AHCYL1: variants seen among roughly 807,000 people sequenced by gnomAD.
AHCYL1 encodes adenosylhomocysteinase like 1.
In AHCYL1, 20 loss-of-function variants were observed where a neutral mutation model predicts 79.3. That is an observed-to-expected ratio of 0.25 (90% confidence interval 0.18 to 0.37). The LOEUF is 0.37. Ranked by LOEUF, AHCYL1 falls within the 10% of genes least tolerant of loss-of-function variation. AHCYL1 has a pLI of 1.00. For synonymous variants in AHCYL1, 223 were observed against 242.2 expected (o/e 0.92, Z 0.74); for missense variants, 330 against 673.6 (o/e 0.49, Z 5.65).
At chr1:110,008,554 G>T (rs1218061494) in intron 1 of AHCYL1, among the ~76,000 whole-genome samples, 1 of 150,534 alleles carries the variant, frequency 6.6e-6, no homozygotes, top group Non-Finnish European at 1.5e-5. Flanking sequence ...CCATTTCTAG[G>T]CATCTCTTCA....
intron 3 of AHCYL1, among the ~76,000 whole-genome samples, chr1:110,012,000 G>C (rs1313930363): frequency 6.6e-6 from 1 of 152,240 alleles, no homozygotes; most frequent in African/African-American, 2.4e-5. Context: ...TGAGGGTACA[G>C]TCTTTCTGGT....
intron 8 of AHCYL1, 29 bp downstream of exon 8, chr1:110,016,489 T>G (rs1469511494): frequency 1.9e-6 from 3 of 1,588,054 alleles, no homozygotes. Context: ...TATTCAAACT[T>G]CTAGGGGCTC....
intron 16 of AHCYL1, 94 bp from the exon 17 acceptor site, chr1:110,021,580 A>C (rs1306724011): frequency 7.2e-6 from 9 of 1,242,512 alleles, no homozygotes; most frequent in Non-Finnish European, 9.4e-6. Context: ...CAGGCTGGGG[A>C]GGGGCCCTGG....
chr1:110,016,625 GAGCTATTAAC>G, intron 8 of AHCYL1, 32 bp from the exon 9 acceptor site: 1 of 1,612,588 alleles, frequency 6.2e-7, no homozygotes, highest in South Asian at 1.1e-5. Context: ...GACTGAGTTT[GAGCTATTAAC>G]GTTTGAGTTG....
At chr1:110,013,348 AT>A (rs1651177346) in intron 5 of AHCYL1, among the ~76,000 whole-genome samples, 1 of 152,246 alleles carries the variant, frequency 6.6e-6, no homozygotes, top group Non-Finnish European at 1.5e-5. Flanking sequence ...GCATTAAATA[AT>A]TTGGTATTCA....
rs561223380 is a variant in AHCYL1 at position 110,009,346 on chromosome 1, C to T, written c.232+201C>T. On this transcript the variant is annotated intron_variant, in intron 2 of 16. Coordinates refer to ENST00000369799, the MANE Select transcript of AHCYL1 (RefSeq NM_006621.7). ...TTTGTCGACTCGAGACTTTCTTCCC[C>T]CTGGCTGTCTGTGTGTGTGGTCTGT... Among the ~76,000 whole-genome samples the T allele has an allele frequency of 1.4e-4, 21 of 152,300 alleles. 1 individual carries two copies. Among genetic ancestry groups the T allele is most frequent in the Non-Finnish European group, 1.3e-4 (9 of 68,030 alleles).
chr1:110,015,302 G>T (rs1272336688), intron 6 of AHCYL1, 123 bp from the exon 7 acceptor site: 1 of 757,022 alleles, frequency 1.3e-6, no homozygotes, highest in East Asian at 2.4e-5. Context: ...CTGCTCTAGG[G>T]AGCTCTGAGG....
chr1:109,987,186 CATTT>C (rs1391535682), intron 1 of AHCYL1, among the ~76,000 whole-genome samples: 2 of 152,136 alleles, frequency 1.3e-5, no homozygotes, highest in East Asian at 1.9e-4. Flanking sequence ...TGATAAAAGA[CATTT>C]ATTAAGTTAA....
At chr1:110,001,087 G>A in intron 1 of AHCYL1, 1 of 397,834 alleles carries the variant, frequency 2.5e-6, no homozygotes, top group Non-Finnish European at 3.4e-6. Flanking sequence ...TTCTTTGTAT[G>A]CCAAGAGTTC....
At chr1:110,000,422 T>A (rs1650245469) in intron 1 of AHCYL1, among the ~76,000 whole-genome samples, 1 of 152,264 alleles carries the variant, frequency 6.6e-6, no homozygotes, top group Non-Finnish European at 1.5e-5. Context: ...CTGCTATTAC[T>A]GGGCTCTCCT....
intron 1 of AHCYL1, among the ~76,000 whole-genome samples, chr1:110,000,601 T>G (rs17668350): frequency 5.9e-5 from 9 of 152,198 alleles, no homozygotes; most frequent in Admixed American, 3.3e-4. Flanking sequence ...TCTGGTGTTA[T>G]AAGCTCAGAA....
chr1:110,017,595 G>C lies in AHCYL1; in HGVS notation c.1052+12G>C. 6.2e-7 allele frequency: 1 copy of C among 1,609,620 alleles called. No homozygotes were observed. The highest frequency in any genetic ancestry group is 8.5e-7 in the Non-Finnish European group (1 of 1,176,124). ...GCTCTGCAGGCCTGGTAAGAACAGA[G>C]TGATAATACTATTAGATTCACTCTA... On this transcript the variant is annotated intron_variant, in intron 10 of 16. Coordinates refer to ENST00000369799, the MANE Select transcript of AHCYL1 (RefSeq NM_006621.7).
At chr1:110,000,575 T>G (rs1650253970) in intron 1 of AHCYL1, among the ~76,000 whole-genome samples, 1 of 152,084 alleles carries the variant, frequency 6.6e-6, no homozygotes, top group African/African-American at 2.4e-5. Context: ...CCTTTACCAG[T>G]GCTTACAAAT....
intron 5 of AHCYL1, among the ~76,000 whole-genome samples, chr1:110,014,410 T>C (rs1651275695): frequency 6.6e-6 from 1 of 152,258 alleles, no homozygotes. Context: ...TTCACCTCAC[T>C]ATTTTCCTAA....
intron 1 of AHCYL1, among the ~76,000 whole-genome samples, chr1:110,005,252 C>A (rs1270594224): frequency 2.0e-5 from 3 of 152,152 alleles, no homozygotes; most frequent in Admixed American, 2.0e-4. Flanking sequence ...GAATCTAGTT[C>A]TTGACACTTA....
At chr1:109,989,972 A>G (rs1217255162) in intron 1 of AHCYL1, among the ~76,000 whole-genome samples, 1 of 152,220 alleles carries the variant, frequency 6.6e-6, no homozygotes, top group African/African-American at 2.4e-5. Context: ...TATTGTCAAT[A>G]CTATCAGTGC....
chr1:110,016,644 T>G (rs1012408771), intron 8 of AHCYL1, 23 bp from the exon 9 acceptor site: 2 of 1,613,842 alleles, frequency 1.2e-6, no homozygotes, highest in Non-Finnish European at 1.7e-6. Flanking sequence ...ACGTTTGAGT[T>G]GAGCCCTTGT....
intron 1 of AHCYL1, among the ~76,000 whole-genome samples, chr1:109,993,357 C>G (rs1219409106): frequency 2.6e-5 from 4 of 152,174 alleles, no homozygotes; most frequent in Non-Finnish European, 4.4e-5. Flanking sequence ...TTGAATTTTA[C>G]TCATCATTTG....
At chr1:110,019,140 T>G in intron 14 of AHCYL1, 21 bp downstream of exon 14, 1 of 1,610,312 alleles carries the variant, frequency 6.2e-7, no homozygotes, top group Non-Finnish European at 8.5e-7. Flanking sequence ...AAATGCCTGC[T>G]TACACTGCAC....
Sources: allele counts gnomAD v4.1 joint callset (sites outside exome capture counted in the v4.1 genomes callset), GRCh38; gene constraint gnomAD v4.1.1; transcripts MANE v1.5; gene names NCBI Gene and HGNC (gene_info 2026-07-23, HGNC 2026-07-21).